Variants in TANC2 observed in about 807,000 individuals in gnomAD.
The protein encoded by TANC2 is tetratricopeptide repeat, ankyrin repeat and coiled-coil containing 2.
A neutral mutation model predicts 210.5 loss-of-function variants in TANC2; 26 were observed. That is an observed-to-expected ratio of 0.12 (90% confidence interval 0.09 to 0.17). TANC2 has a LOEUF of 0.17. TANC2 is among the 10% of genes least tolerant of loss of function. The pLI, the probability that TANC2 is intolerant of heterozygous loss-of-function variation, is 1.00. For synonymous variants in TANC2, 931 were observed against 967.1 expected, an observed-to-expected ratio of 0.96 and a Z score of 0.69; for missense variants, 2,129 against 2,608.9, an observed-to-expected ratio of 0.82 and a Z score of 4.01.
chr17:63,112,057 C>T (rs551006933), intron 4 of TANC2, among the ~76,000 whole-genome samples: 2 of 152,096 alleles, frequency 1.3e-5, no homozygotes, highest in Non-Finnish European at 2.9e-5. Context: ...ACCCTCAAAC[C>T]ATATTCTCTT....
intron 8 of TANC2, among the ~76,000 whole-genome samples, chr17:63,259,582 A>G (rs948600416): frequency 5.3e-5 from 8 of 152,132 alleles, no homozygotes; most frequent in African/African-American, 1.9e-4. Context: ...ATACATTTCT[A>G]TTATCATTTT....
chr17:63,287,305 G>C (rs764792326), intron 9 of TANC2, among the ~76,000 whole-genome samples: 1 of 152,012 alleles, frequency 6.6e-6, no homozygotes, highest in Non-Finnish European at 1.5e-5. Flanking sequence ...CATACCTTTT[G>C]AGCATATTTA....
chr17:63,204,774 A>G (rs2041646237), intron 7 of TANC2, among the ~76,000 whole-genome samples: 1 of 152,192 alleles, frequency 6.6e-6, no homozygotes, highest in African/African-American at 2.4e-5. Context: ...TACAGTAATC[A>G]AAGCAGTATA....
At chr17:63,153,242 A>G (rs2039717886) in intron 5 of TANC2, 1 of 152,212 alleles carries the variant, frequency 6.6e-6, no homozygotes, top group Admixed American at 6.5e-5. Flanking sequence ...TTAGTATTAT[A>G]AAGTGAAATA....
At chr17:63,344,363 A>C (rs774923540) in intron 12 of TANC2, among the ~76,000 whole-genome samples, 12 of 152,216 alleles carry the variant, frequency 7.9e-5, no homozygotes, top group Non-Finnish European at 1.0e-4. Flanking sequence ...GTTTAGTCTG[A>C]TAAAGGACAA....
Position 63,420,321 on chromosome 17 carries a change from C to T in TANC2, c.4591C>T (p.Pro1531Ser), listed in dbSNP as rs1396809768. ...GGTCATCCAGAGCCCACCCTCCTCT[C>T]CCCCGCATCGGGACTCAGCCTACAT... Residue 1531 changes from proline to serine, a missense_variant, in exon 28 of 28, where the codon CCC becomes TCC. Transcript: ENST00000689528. This position sits in a 1 kb window ranked among gnomAD's most constrained non-coding sequence, Gnocchi z 4.2. 3.7e-6 allele frequency: 6 copies of T among 1,613,796 alleles called. No individual in the cohort carries two copies. Among genetic ancestry groups the T allele is most frequent in the Non-Finnish European group, 5.1e-6 (6 of 1,179,864 alleles).
chr17:63,298,887 A>G (rs903381890), intron 9 of TANC2, among the ~76,000 whole-genome samples: 4 of 152,062 alleles, frequency 2.6e-5, no homozygotes, highest in African/African-American at 9.7e-5. Flanking sequence ...CCCCACATGC[A>G]TTAGTTATTT....
At chr17:63,249,608 T>C (rs755882421) in intron 8 of TANC2, among the ~76,000 whole-genome samples, 7 of 152,198 alleles carry the variant, frequency 4.6e-5, no homozygotes, top group Admixed American at 1.3e-4. Context: ...TGGAGCTTCA[T>C]GTTTTCCTAA....
chr17:63,295,788 TAAAC>T (rs1239463857), intron 9 of TANC2, among the ~76,000 whole-genome samples: 3 of 152,208 alleles, frequency 2.0e-5, no homozygotes, highest in African/African-American at 7.2e-5. Flanking sequence ...GTCTAGTTCT[TAAAC>T]TAACTACATG....
chr17:62,992,483 A>C (rs17630274), intron 1 of TANC2, among the ~76,000 whole-genome samples: 21,571 of 152,212 alleles, frequency 0.14, 1,976 homozygotes, highest in Middle Eastern at 0.21. Flanking sequence ...CTATTAGTCC[A>C]GTATTTTTTG....
chr17:63,223,720 T>C (rs188325747), intron 7 of TANC2, among the ~76,000 whole-genome samples: 29 of 152,186 alleles, frequency 1.9e-4, no homozygotes, highest in African/African-American at 6.7e-4. Context: ...TAAACTGTCA[T>C]GGCGGCAGTG....
At chr17:63,293,862 C>G (rs530197116) in intron 9 of TANC2, among the ~76,000 whole-genome samples, 2 of 151,622 alleles carry the variant, frequency 1.3e-5, no homozygotes, top group Non-Finnish European at 2.9e-5. Flanking sequence ...ACCTCAGGCT[C>G]GGACTACAGC....
chr17:63,039,221 G>T (rs1186112567), intron 2 of TANC2, among the ~76,000 whole-genome samples: 4 of 152,088 alleles, frequency 2.6e-5, no homozygotes, highest in African/African-American at 9.7e-5. Flanking sequence ...AAAATTATCA[G>T]TTTAGAATTT....
chr17:63,283,862 G>T lies in TANC2; in HGVS notation c.1159+15989G>T, dbSNP rs79897096. Among the ~76,000 whole-genome samples the T allele has an allele frequency of 7.6e-3, 1,153 of 151,970 alleles. 15 individuals are homozygous for T. Among genetic ancestry groups the T allele is most frequent in the African/African-American group, 0.025 (1,051 of 41,504 alleles). On this transcript the variant is annotated intron_variant, in intron 9 of 27. Transcript: ENST00000689528. ...CTAAAACCTTGCTAAACTCACTTAT[G>T]AGTTCTAATGACTTTTTTTAATAGA... is the stretch of plus-strand genomic sequence containing the variant.
chr17:63,315,326 A>T (rs189713793), intron 10 of TANC2, among the ~76,000 whole-genome samples: 2 of 152,180 alleles, frequency 1.3e-5, no homozygotes, highest in East Asian at 1.9e-4. Flanking sequence ...TACCAGCTCA[A>T]TGAGGTTGTC....
intron 14 of TANC2, among the ~76,000 whole-genome samples, chr17:63,369,332 G>A (rs1223929743): frequency 2.0e-5 from 3 of 152,058 alleles, no homozygotes; most frequent in Non-Finnish European, 4.4e-5. Context: ...GGAATCTATC[G>A]ATGATACCAT....
chr17:62,987,168 A>G (rs2032611637), intron 1 of TANC2, among the ~76,000 whole-genome samples: 1 of 152,172 alleles, frequency 6.6e-6, no homozygotes, highest in African/African-American at 2.4e-5. Context: ...TCCTCTGGCT[A>G]TAAGTGAGAG....
rs2048735290 is a variant in TANC2 at position 63,412,511 on chromosome 17, C to T, written c.3899-169C>T. On this transcript the variant is annotated intron_variant, in intron 23 of 27. Transcript: ENST00000689528. This position sits in a 1 kb window ranked among gnomAD's most constrained non-coding sequence, Gnocchi z 4.2. ...CTTCAGACTCAAGTCCCTGCTGCCG[C>T]TGTCCCAGCTGCTCCCCAAGCCCAC... is the stretch of plus-strand genomic sequence containing the variant. 6.6e-6 allele frequency among the ~76,000 whole-genome samples: 1 copy of T among 152,216 alleles called. No homozygotes were observed. The highest frequency in any genetic ancestry group is 1.5e-5 in the Non-Finnish European group (1 of 68,036).
chr17:63,372,223 G>T (rs1190321492), intron 14 of TANC2, among the ~76,000 whole-genome samples: 1 of 152,126 alleles, frequency 6.6e-6, no homozygotes, highest in Non-Finnish European at 1.5e-5. Context: ...GTTTCTTAGG[G>T]ATCAGTTAGC....
Sources: gnomAD v4.1 joint callset for allele counts (sites outside exome capture counted in the v4.1 genomes callset) on GRCh38, gnomAD v4.1.1 for gene constraint, Gnocchi (gnomAD v3.1) non-coding constraint, MANE v1.5 for transcripts, NCBI Gene and HGNC (gene_info 2026-07-23, HGNC 2026-07-21) for gene names.